The following XKR8 variants were observed in gnomAD, a reference collection of about 807,000 sequenced individuals.
XKR8 encodes XK-related protein 8.
In XKR8, 10 loss-of-function variants were observed where a neutral mutation model predicts 17.1. That is an observed-to-expected ratio of 0.59 (90% confidence interval 0.36 to 0.99). The LOEUF (loss-of-function observed/expected upper bound fraction) is 0.99. Ranked by LOEUF, XKR8 falls within the 50% of genes least tolerant of loss-of-function variation. XKR8 has a pLI of 0.01. For synonymous variants in XKR8, 213 were observed against 251.9 expected, an observed-to-expected ratio of 0.85 and a Z score of 1.46; for missense variants, 411 against 515.6, an observed-to-expected ratio of 0.80 and a Z score of 1.96.
At chr1:27,962,159 A>G (rs1342822186) in intron 1 of XKR8, among the ~76,000 whole-genome samples, 1 of 152,250 alleles carries the variant, frequency 6.6e-6, no homozygotes, top group Non-Finnish European at 1.5e-5. Flanking sequence ...TGGGCACACT[A>G]AAGTTTGAGA....
rs1638554284 is a variant in XKR8, at chr1:27,965,688, G to A, written c.491-815G>A. The stretch of plus-strand genomic sequence containing the variant: ...GAACATCAGCCCTGCTGAGACCTGG[G>A]CAAGGCTAATGAGCACAGATCTGTT... On this transcript the variant is annotated intron_variant, in intron 2 of 2. Coordinates refer to ENST00000373884, the MANE Select transcript of XKR8 (RefSeq NM_018053.4). The surrounding 1 kb of genome is among the most constrained non-coding windows in gnomAD (Gnocchi z 4.1). Among the ~76,000 whole-genome samples the A allele has an allele frequency of 6.6e-6, 1 of 152,186 alleles. No individual in the cohort carries two copies. The highest frequency in any genetic ancestry group is 2.1e-4 in the South Asian group (1 of 4,826).
At position 27,966,469 on chromosome 1, in the gene XKR8, C is replaced by A; in HGVS notation, c.491-34C>A. On this transcript the variant is annotated intron_variant, in intron 2 of 2. Coordinates refer to ENST00000373884, the MANE Select transcript of XKR8 (RefSeq NM_018053.4). The surrounding 1 kb of genome is among the most constrained non-coding windows in gnomAD (Gnocchi z 4.3). Reference sequence around the variant, plus strand: ...GCTGGGGAGTGCCAAGCAGGCTGGCCCCAGGACTCACTGTTCCCTCCTACT... The same window carrying A: ...GCTGGGGAGTGCCAAGCAGGCTGGCACCAGGACTCACTGTTCCCTCCTACT... The A allele has an allele frequency of 6.3e-7, 1 of 1,579,830 alleles. No individual in the cohort carries two copies. Among genetic ancestry groups the A allele is most frequent in the African/African-American group, 1.3e-5 (1 of 74,600 alleles).
At position 27,962,994 on chromosome 1, in the gene XKR8, C is replaced by A. The variant is rs541400330; in HGVS notation, c.294-503C>A. 8.5e-5 allele frequency among the ~76,000 whole-genome samples: 13 copies of A among 152,076 alleles called. 1 individual carries two copies. The highest frequency in any genetic ancestry group is 1.3e-4 in the Admixed American group (2 of 15,264). On this transcript the variant is annotated intron_variant, in intron 1 of 2. Transcript: ENST00000373884. ...TGAGCTTGGGACAGTGCTTAGCCAG[C>A]GGGAGTAGAAGGTGTATTGATCCCC...
intron 2 of XKR8, among the ~76,000 whole-genome samples, 190 bp downstream of exon 2, chr1:27,963,883 C>CT (rs1638519544): frequency 6.6e-6 from 1 of 152,224 alleles, no homozygotes; most frequent in Non-Finnish European, 1.5e-5. Flanking sequence ...CTTGACCTCT[C>CT]TGAGTATGTT....
In XKR8 at chr1:27,966,549, C is replaced by T. The variant is rs201102190; in HGVS notation, c.537C>T (p.Leu179=). The change falls in exon 3 of 3, where the codon CTC becomes CTT. Residue 179 remains leucine, a synonymous_variant. Transcript: ENST00000373884. The surrounding 1 kb of genome is among the most constrained non-coding windows in gnomAD (Gnocchi z 4.3). ...TCCTGGGCATCTCGTGGGCACTGCT[C>T]GACTACCACCGGGCCTTGCGCACCT... ...TSFLGISWAL[L]DYHRALRTCL... is the part of the protein sequence containing the mutation. The T allele has an allele frequency of 3.2e-5, 51 of 1,614,004 alleles. No individual in the cohort carries two copies. In the Admixed American group the frequency reaches 3.5e-4, roughly 11 times the overall value.
At position 27,967,423 on chromosome 1, in the gene XKR8, C is replaced by T; in HGVS notation, c.*223C>T. On this transcript the variant is annotated 3_prime_UTR_variant, in exon 3 of 3. Transcript: ENST00000373884. This position sits in a 1 kb window ranked among gnomAD's most constrained non-coding sequence, Gnocchi z 4.3. ...AGTGAACAAGATGAGAAGGGCTGGGCCCTGGAGGGTCAAGAGCCCCAATTA... is the reference window on the plus strand; with the variant it reads ...AGTGAACAAGATGAGAAGGGCTGGGTCCTGGAGGGTCAAGAGCCCCAATTA... 1 of 455,632 alleles carries T rather than the reference C, an allele frequency of 2.2e-6. No individual in the cohort carries two copies. Among genetic ancestry groups the T allele is most frequent in the Non-Finnish European group, 3.9e-6 (1 of 259,462 alleles). 28.2% of individuals were successfully genotyped at this position (455,632 alleles called of 1,614,324 possible).
Position 27,960,148 on chromosome 1 carries a change from C to A in XKR8, c.79C>A (p.Leu27Met). 6.5e-7 allele frequency: 1 copy of A among 1,527,176 alleles called. No homozygotes were observed. Among genetic ancestry groups the A allele is most frequent in the Non-Finnish European group, 8.7e-7 (1 of 1,144,150 alleles). The allele number at this position is 1,527,176 out of a possible 1,614,324, so 94.6% of individuals were successfully genotyped here. Residue 27 changes from leucine (L) to methionine (M), a missense_variant, in exon 1 of 3, where the codon CTG (leucine) becomes ATG (methionine). Transcript: ENST00000373884. The surrounding 1 kb of genome is among the most constrained non-coding windows in gnomAD (Gnocchi z 5.9). Reference sequence around the variant, plus strand: ...GGGCACCGCCGCCTTCCTGCTCGACCTGGGCACCGACCTGTGGGCCGCCGT... The same window carrying A: ...GGGCACCGCCGCCTTCCTGCTCGACATGGGCACCGACCTGTGGGCCGCCGT... ...VLGTAAFLLD[L>M]GTDLWAAVQY...
intron 1 of XKR8, among the ~76,000 whole-genome samples, chr1:27,961,272 G>T (rs1275703915): frequency 6.6e-6 from 1 of 152,198 alleles, no homozygotes; most frequent in African/African-American, 2.4e-5. Context: ...GTGGAGCCTC[G>T]TAGAGATGGG....
rs774746349 is a variant in XKR8, at chr1:27,963,655, C to G, written c.452C>G (p.Ala151Gly). ...ETAPQLTLVL[A>G]IMLQSGRAEY... Reference sequence around the variant, plus strand: ...GCACCACAGCTCACGCTGGTGCTGGCCATCATGCTGCAGAGTGGCCGGGCT... The same window carrying G: ...GCACCACAGCTCACGCTGGTGCTGGGCATCATGCTGCAGAGTGGCCGGGCT... The change falls in exon 2 of 3, where the codon GCC (alanine) becomes GGC (glycine). Residue 151 changes from alanine (A) to glycine (G), a missense_variant. Coordinates refer to ENST00000373884, the MANE Select transcript of XKR8 (RefSeq NM_018053.4). 11 of 1,603,980 alleles carry G rather than the reference C, an allele frequency of 6.9e-6. No homozygotes were observed. The Admixed American group carries it at 1.9e-4, about 27-fold the overall frequency.
At position 27,966,170 on chromosome 1, in the gene XKR8, TG is replaced by T. The variant is rs928245896; in HGVS notation, c.491-331del. 6.6e-6 allele frequency among the ~76,000 whole-genome samples: 1 copy of T among 152,154 alleles called. No individual in the cohort carries two copies. Among genetic ancestry groups the T allele is most frequent in the Non-Finnish European group, 1.5e-5 (1 of 68,012 alleles). ...CCAGAAAGAAAGGGTTATGGGGCCC[TG>T]GAAGATGCCCAGGATGCAGCCAAGG... is the stretch of plus-strand genomic sequence containing the variant. On this transcript the variant is annotated intron_variant, in intron 2 of 2. Coordinates refer to ENST00000373884, the MANE Select transcript of XKR8 (RefSeq NM_018053.4). This position sits in a 1 kb window ranked among gnomAD's most constrained non-coding sequence, Gnocchi z 4.3.
chr1:27,963,448 T>C, intron 1 of XKR8, 49 bp from the exon 2 acceptor site: 1 of 1,554,142 alleles, frequency 6.4e-7, no homozygotes, highest in South Asian at 1.2e-5. Flanking sequence ...GGCTGAGGAA[T>C]TCACAGGACA....
At chr1:27,964,842 C>T (rs942355525) in intron 2 of XKR8, among the ~76,000 whole-genome samples, 1 of 152,098 alleles carries the variant, frequency 6.6e-6, no homozygotes, top group African/African-American at 2.4e-5. Context: ...CAAGCCTTCC[C>T]CTTTGCCTTC....
Position 27,965,493 on chromosome 1 carries a change from T to A in XKR8, c.491-1010T>A, listed in dbSNP as rs1638550976. Among the ~76,000 whole-genome samples, 1 of 152,002 alleles carries A rather than the reference T, an allele frequency of 6.6e-6. No individual in the cohort carries two copies. ...ATGTTACAGGGATACCTGACACAGC[T>A]GAGTGGGTGGCATGGGGTCAGGGTG... On this transcript the variant is annotated intron_variant, in intron 2 of 2. Transcript: ENST00000373884. This position sits in a 1 kb window ranked among gnomAD's most constrained non-coding sequence, Gnocchi z 4.1.
Position 27,959,996 on chromosome 1 carries a change from T to A in XKR8, c.-74T>A. Reference sequence around the variant, plus strand: ...CCGAGGGCTGCGCCCACCTCCTTCCTGCCTCGGCAACCCCGGGCCCTGAGG... The same window carrying A: ...CCGAGGGCTGCGCCCACCTCCTTCCAGCCTCGGCAACCCCGGGCCCTGAGG... On this transcript the variant is annotated 5_prime_UTR_variant, in exon 1 of 3. Transcript: ENST00000373884. The A allele has an allele frequency of 7.6e-7, 1 of 1,314,352 alleles. No individual in the cohort carries two copies. Among genetic ancestry groups the A allele is most frequent in the Non-Finnish European group, 9.7e-7 (1 of 1,026,060 alleles). 81.4% of individuals were successfully genotyped at this position (1,314,352 alleles called of 1,614,324 possible). A position where few individuals can be genotyped will look rare whatever the true frequency, so the allele number is the denominator to read the frequency against.
rs1638562098 is a variant in XKR8 at position 27,966,090 on chromosome 1, G to A, written c.491-413G>A. ...TTTTCTACTCCCTTTTTGAGACTAA[G>A]AAAGACGGAACTGAGACTGTTGATT... On this transcript the variant is annotated intron_variant, in intron 2 of 2. Transcript: ENST00000373884. This position sits in a 1 kb window ranked among gnomAD's most constrained non-coding sequence, Gnocchi z 4.3. 6.6e-6 allele frequency among the ~76,000 whole-genome samples: 1 copy of A among 152,236 alleles called. No individual in the cohort carries two copies. The highest frequency in any genetic ancestry group is 2.1e-4 in the South Asian group (1 of 4,810).
chr1:27,967,018 G>A lies in XKR8; in HGVS notation c.1006G>A (p.Val336Met). The A allele has an allele frequency of 6.2e-7, 1 of 1,612,648 alleles. No homozygotes were observed. The highest frequency in any genetic ancestry group is 8.5e-7 in the Non-Finnish European group (1 of 1,179,676). ...CFFLGLALRL[V>M]YYHWLHPSCC... ...CTTTCTGGGCCTGGCTCTGCGGCTT[G>A]TGTACTACCACTGGCTGCACCCTAG... Residue 336 changes from valine to methionine, a missense_variant, in exon 3 of 3, where the codon GTG becomes ATG. By Grantham distance (21) the Val-to-Met change is conservative (BLOSUM62 1). Transcript: ENST00000373884. The surrounding 1 kb of genome is among the most constrained non-coding windows in gnomAD (Gnocchi z 4.3).
In XKR8 at chr1:27,960,007, C is replaced by T. The variant is rs1638428921; in HGVS notation, c.-63C>T. On this transcript the variant is annotated 5_prime_UTR_variant, in exon 1 of 3. Transcript: ENST00000373884. This position sits in a 1 kb window ranked among gnomAD's most constrained non-coding sequence, Gnocchi z 5.9. ...GCCCACCTCCTTCCTGCCTCGGCAA[C>T]CCCGGGCCCTGAGGGCAGGCCCCAA... 7.5e-7 allele frequency: 1 copy of T among 1,340,466 alleles called. No individual in the cohort carries two copies. The highest frequency in any genetic ancestry group is 1.8e-5 in the South Asian group (1 of 55,768). The allele number at this position is 1,340,466 out of a possible 1,614,324, so 83.0% of individuals were successfully genotyped here.
intron 1 of XKR8, among the ~76,000 whole-genome samples, chr1:27,962,142 G>A (rs984693145): frequency 1.3e-5 from 2 of 152,246 alleles, no homozygotes; most frequent in Non-Finnish European, 2.9e-5. Context: ...AGGACCCCAG[G>A]AGATCTTGGG....
rs535860228 is a variant in XKR8, at chr1:27,966,450, G to T, written c.491-53G>T. 7 of 1,544,992 alleles carry T rather than the reference G, an allele frequency of 4.5e-6. No homozygotes were observed. The Admixed American group carries it at 1.1e-4, about 24-fold the overall frequency. ...CCCCACGGTACCTGTGACCGCTGGG[G>T]AGTGCCAAGCAGGCTGGCCCCAGGA... On this transcript the variant is annotated intron_variant, in intron 2 of 2. Coordinates refer to ENST00000373884, the MANE Select transcript of XKR8 (RefSeq NM_018053.4). The surrounding 1 kb of genome is among the most constrained non-coding windows in gnomAD (Gnocchi z 4.3).
Sources: gnomAD v4.1 joint callset for allele counts (sites outside exome capture counted in the v4.1 genomes callset) on GRCh38, gnomAD v4.1.1 for gene constraint, Gnocchi (gnomAD v3.1) non-coding constraint, MANE v1.5 for transcripts, NCBI Gene and HGNC (gene_info 2026-07-23, HGNC 2026-07-21) for gene names.